PRKG1: variants seen among roughly 807,000 people sequenced by gnomAD.
The protein encoded by PRKG1 is cGMP-dependent protein kinase 1.
In PRKG1, 35 loss-of-function variants were observed where a neutral mutation model predicts 88.1. The observed-to-expected ratio is 0.40, with a 90% confidence interval of 0.30 to 0.53. The LOEUF (loss-of-function observed/expected upper bound fraction) is 0.53. PRKG1 is among the 20% of genes least tolerant of loss of function. The probability of loss-of-function intolerance (pLI) is 0.59; values close to 1 mark genes in which losing one functional copy is unlikely to be tolerated. For synonymous variants in PRKG1, 303 were observed against 292.5 expected (o/e 1.04, Z -0.37); for missense variants, 540 against 839.8 (o/e 0.64, Z 4.41).
At chr10:51,697,841 G>A in intron 3 of PRKG1, 3 of 1,614,102 alleles carry the variant, frequency 1.9e-6, no homozygotes, top group African/African-American at 1.3e-5. Flanking sequence ...ATCCTGTGGA[G>A]TGACCTGGCT....
intron 2 of PRKG1, among the ~76,000 whole-genome samples, chr10:51,165,240 T>C (rs1220186587): frequency 6.6e-6 from 1 of 152,146 alleles, no homozygotes; most frequent in Non-Finnish European, 1.5e-5. Context: ...TGGGGGCCAA[T>C]ATTCAACATT....
intron 3 of PRKG1, among the ~76,000 whole-genome samples, chr10:51,591,216 A>C (rs1212498693): frequency 6.6e-6 from 1 of 152,070 alleles, no homozygotes; most frequent in Admixed American, 6.6e-5. Context: ...TGAAAGGAAA[A>C]ATTTTTGCAT....
intron 1 of PRKG1, among the ~76,000 whole-genome samples, chr10:51,135,656 G>A (rs1042457104): frequency 1.6e-4 from 25 of 152,170 alleles, no homozygotes; most frequent in African/African-American, 5.8e-4. Flanking sequence ...TCAAAATCAG[G>A]AAATTGATGT....
intron 2 of PRKG1, among the ~76,000 whole-genome samples, chr10:51,232,452 G>A (rs867686311): frequency 1.3e-5 from 2 of 152,070 alleles, no homozygotes; most frequent in African/African-American, 2.4e-5. Context: ...AAAATGGGAC[G>A]CTTGATGGTG....
chr10:52,259,714 A>G (rs1370204658), intron 10 of PRKG1, among the ~76,000 whole-genome samples: 1 of 152,070 alleles, frequency 6.6e-6, no homozygotes, highest in African/African-American at 2.4e-5. Flanking sequence ...TCACTACCCA[A>G]AAGAAGTTCA....
At position 52,290,316 on chromosome 10, in the gene PRKG1, TG is replaced by T. The variant is rs745431388; in HGVS notation, c.1962+27del. 7 of 1,561,974 alleles carry T rather than the reference TG, an allele frequency of 4.5e-6. No homozygotes were observed. In the South Asian group the frequency reaches 8.0e-5, roughly 18 times the overall value. ...GTAAGTAGACTTTCCAGCTTATAATTGTGTGACATAATTGATGGTGTTTATG... is the reference window on the plus strand; with the variant it reads ...GTAAGTAGACTTTCCAGCTTATAATTTGTGACATAATTGATGGTGTTTATG... On this transcript the variant is annotated intron_variant, in intron 17 of 17. Transcript: ENST00000373980.
At chr10:51,435,029 T>A (rs1382850215) in intron 2 of PRKG1, among the ~76,000 whole-genome samples, 3 of 152,018 alleles carry the variant, frequency 2.0e-5, no homozygotes, top group Non-Finnish European at 2.9e-5. Flanking sequence ...CATAAAAAAA[T>A]TTCTCTTTCT....
At chr10:52,022,051 T>C (rs969825235) in intron 5 of PRKG1, among the ~76,000 whole-genome samples, 1 of 152,214 alleles carries the variant, frequency 6.6e-6, no homozygotes, top group Non-Finnish European at 1.5e-5. Flanking sequence ...GAAAGCAATA[T>C]GCATTCAGTA....
Position 51,551,508 on chromosome 10 carries a change from A to G in PRKG1, c.592+83672A>G, listed in dbSNP as rs184797227. On this transcript the variant is annotated intron_variant, in intron 3 of 17. Transcript: ENST00000373980. ...TTTTAAGAAAAAGCATGAAGCTATTAATCTAATTGAATACAGTATATGTGT... is the reference window on the plus strand; with the variant it reads ...TTTTAAGAAAAAGCATGAAGCTATTGATCTAATTGAATACAGTATATGTGT... Among the ~76,000 whole-genome samples the G allele has an allele frequency of 2.4e-3, 358 of 151,984 alleles. 1 individual carries two copies. Among genetic ancestry groups the G allele is most frequent in the African/African-American group, 8.1e-3 (335 of 41,552 alleles).
At chr10:52,245,566 A>G (rs1320267555) in intron 9 of PRKG1, among the ~76,000 whole-genome samples, 1 of 152,100 alleles carries the variant, frequency 6.6e-6, no homozygotes, top group Non-Finnish European at 1.5e-5. Context: ...TTATGGAATA[A>G]GAAATAAACT....
At position 51,879,643 on chromosome 10, in the gene PRKG1, C is replaced by T. The variant is rs551054522; in HGVS notation, c.699-27864C>T. On this transcript the variant is annotated intron_variant, in intron 4 of 17. Coordinates refer to ENST00000373980, the MANE Select transcript of PRKG1 (RefSeq NM_006258.4). ...CTATGTGTCCATGACTTTAAACCTG[C>T]CTCCCTTGGTAGGAAACAAAAATCC... Among the ~76,000 whole-genome samples the T allele has an allele frequency of 1.1e-4, 17 of 152,294 alleles. No individual in the cohort carries two copies. The East Asian group carries it at 3.3e-3, about 29-fold the overall frequency.
At chr10:51,011,264 T>C (rs1296989068) in intron 1 of PRKG1, among the ~76,000 whole-genome samples, 1 of 151,914 alleles carries the variant, frequency 6.6e-6, no homozygotes, top group Non-Finnish European at 1.5e-5. Context: ...TATTTTAGAA[T>C]GTTTAGCAGC....
At chr10:51,385,394 T>C (rs1407986033) in intron 2 of PRKG1, among the ~76,000 whole-genome samples, 1 of 152,186 alleles carries the variant, frequency 6.6e-6, no homozygotes, top group Middle Eastern at 3.2e-3. Flanking sequence ...TTAAGGACAA[T>C]ATATCAAATA....
At chr10:51,969,730 C>T (rs1454454959) in intron 5 of PRKG1, among the ~76,000 whole-genome samples, 1 of 151,920 alleles carries the variant, frequency 6.6e-6, no homozygotes, top group Non-Finnish European at 1.5e-5. Context: ...CAATTGTATT[C>T]CCACTAGAAT....
At chr10:51,297,683 A>G (rs1362575410) in intron 2 of PRKG1, among the ~76,000 whole-genome samples, 2 of 151,950 alleles carry the variant, frequency 1.3e-5, no homozygotes, top group Admixed American at 1.3e-4. Flanking sequence ...CAGTTGTACA[A>G]TCTAATTATT....
chr10:51,038,818 A>G (rs1204141775), intron 1 of PRKG1, among the ~76,000 whole-genome samples: 5 of 152,170 alleles, frequency 3.3e-5, no homozygotes, highest in Non-Finnish European at 5.9e-5. Flanking sequence ...TGGATACCCT[A>G]TTTACCCAGT....
chr10:51,108,708 C>G (rs1844908094), intron 1 of PRKG1, among the ~76,000 whole-genome samples: 1 of 152,132 alleles, frequency 6.6e-6, no homozygotes, highest in Non-Finnish European at 1.5e-5. Flanking sequence ...CCCCTAAGAT[C>G]AGGAGCAAAT....
intron 3 of PRKG1, among the ~76,000 whole-genome samples, chr10:51,590,239 A>G (rs1396052606): frequency 6.6e-6 from 1 of 152,220 alleles, no homozygotes; most frequent in Non-Finnish European, 1.5e-5. Context: ...GCAGAAAAGC[A>G]CCAGTTAGCA....
chr10:51,994,243 T>A (rs1456371056), intron 5 of PRKG1, among the ~76,000 whole-genome samples: 1 of 152,168 alleles, frequency 6.6e-6, no homozygotes, highest in Non-Finnish European at 1.5e-5. Context: ...TTAATTTGCA[T>A]CAACTTTTAT....
Sources: allele counts gnomAD v4.1 joint callset (sites outside exome capture counted in the v4.1 genomes callset), GRCh38; gene constraint gnomAD v4.1.1; transcripts MANE v1.5; gene names NCBI Gene and HGNC (gene_info 2026-07-23, HGNC 2026-07-21).